Variants in RUNDC3B observed in about 807,000 individuals in gnomAD.
The protein encoded by RUNDC3B is RUN domain-containing protein 3B.
A neutral mutation model predicts 58.4 loss-of-function variants in RUNDC3B; 33 were observed. The ratio of observed to expected loss-of-function variants is 0.56; its 90% CI spans 0.43 to 0.75. The LOEUF is 0.75. Ranked by LOEUF, RUNDC3B falls within the 30% of genes least tolerant of loss-of-function variation. The pLI is 0.00. For synonymous variants in RUNDC3B, 193 were observed against 195.2 expected (o/e 0.99, Z 0.10); for missense variants, 501 against 535.7 (o/e 0.94, Z 0.64).
intron 1 of RUNDC3B, among the ~76,000 whole-genome samples, chr7:87,638,890 C>T (rs1159006870): frequency 1.3e-5 from 2 of 152,136 alleles, no homozygotes; most frequent in African/African-American, 4.8e-5. Context: ...TGGTGGCTCA[C>T]ACCTGTAATC....
intron 8 of RUNDC3B, among the ~76,000 whole-genome samples, chr7:87,792,373 T>A (rs1281692454): frequency 1.3e-5 from 2 of 152,158 alleles, no homozygotes; most frequent in Non-Finnish European, 2.9e-5. Flanking sequence ...ATCTCATAGA[T>A]ATTTACAGAA....
chr7:87,796,655 A>G (rs914005392), intron 8 of RUNDC3B, among the ~76,000 whole-genome samples: 3 of 152,200 alleles, frequency 2.0e-5, no homozygotes, highest in Admixed American at 6.5e-5. Flanking sequence ...AAATTTTTCA[A>G]TGTGCTAAAA....
Position 87,655,262 on chromosome 7 carries a change from C to A in RUNDC3B, c.238+4325C>A, listed in dbSNP as rs534275822. ...TGAAATCAGTGTCTCGAAGAGTTAT[C>A]TCTACTCCCATGTTCATTGCAGGAT... On this transcript the variant is annotated intron_variant, in intron 2 of 10. Coordinates refer to ENST00000394654, the MANE Select transcript of RUNDC3B (RefSeq NM_001134405.2). 8.4e-4 allele frequency among the ~76,000 whole-genome samples: 128 copies of A among 152,294 alleles called. 1 individual carries two copies. Among genetic ancestry groups the A allele is most frequent in the Admixed American group, 7.3e-3 (112 of 15,266 alleles).
chr7:87,811,461 G>A (rs559618537), intron 9 of RUNDC3B, among the ~76,000 whole-genome samples: 1 of 152,050 alleles, frequency 6.6e-6, no homozygotes, highest in African/African-American at 2.4e-5. Context: ...AGCCTCCCGA[G>A]TAGCTGGGAC....
At chr7:87,645,557 A>G (rs1822917512) in intron 1 of RUNDC3B, among the ~76,000 whole-genome samples, 1 of 152,128 alleles carries the variant, frequency 6.6e-6, no homozygotes, top group Admixed American at 6.6e-5. Flanking sequence ...CTTAGACTTG[A>G]TTTGATATTT....
At chr7:87,733,592 G>A (rs1320778316) in intron 4 of RUNDC3B, among the ~76,000 whole-genome samples, 3 of 152,148 alleles carry the variant, frequency 2.0e-5, no homozygotes, top group Non-Finnish European at 4.4e-5. Flanking sequence ...TTGGCAACAG[G>A]GACTGGTTTT....
At chr7:87,702,891 T>C (rs1382602437) in intron 3 of RUNDC3B, among the ~76,000 whole-genome samples, 1 of 152,190 alleles carries the variant, frequency 6.6e-6, no homozygotes, top group Non-Finnish European at 1.5e-5. Context: ...CCAAGCATTT[T>C]GGAAAAGGTA....
intron 2 of RUNDC3B, among the ~76,000 whole-genome samples, chr7:87,655,530 A>C (rs1824010629): frequency 6.6e-6 from 1 of 152,134 alleles, no homozygotes; most frequent in South Asian, 2.1e-4. Context: ...GAATTCGTAG[A>C]AGTAGAGAGT....
chr7:87,783,595 C>T (rs145004426), intron 8 of RUNDC3B, among the ~76,000 whole-genome samples: 1 of 152,200 alleles, frequency 6.6e-6, no homozygotes, highest in East Asian at 1.9e-4. Context: ...TCGATAGGGT[C>T]TGCAGGCTAT....
intron 6 of RUNDC3B, among the ~76,000 whole-genome samples, chr7:87,759,693 G>A (rs1001574845): frequency 4.0e-5 from 6 of 151,758 alleles, no homozygotes; most frequent in Admixed American, 3.3e-4. Flanking sequence ...AGCTACTTGG[G>A]AGACTAAGGG....
At chr7:87,679,653 G>A (rs1237585874) in intron 2 of RUNDC3B, among the ~76,000 whole-genome samples, 1 of 150,250 alleles carries the variant, frequency 6.7e-6, no homozygotes, top group Non-Finnish European at 1.5e-5. Flanking sequence ...GCCTTTCAAA[G>A]TGCTGAGATT....
At chr7:87,647,742 T>C (rs955906011) in intron 1 of RUNDC3B, among the ~76,000 whole-genome samples, 1 of 152,058 alleles carries the variant, frequency 6.6e-6, no homozygotes, top group African/African-American at 2.4e-5. Flanking sequence ...CACAAACCAT[T>C]ACATAACTAA....
chr7:87,726,860 G>T (rs890558666), intron 4 of RUNDC3B, among the ~76,000 whole-genome samples: 5 of 152,126 alleles, frequency 3.3e-5, no homozygotes, highest in African/African-American at 9.7e-5. Context: ...TTGTGAATGG[G>T]AGTTCACTCA....
intron 5 of RUNDC3B, among the ~76,000 whole-genome samples, chr7:87,741,208 AAAAAAG>A (rs923301367): frequency 1.3e-5 from 2 of 151,838 alleles, no homozygotes; most frequent in African/African-American, 4.8e-5. Context: ...CCCTCTCAAA[AAAAAAG>A]AAAAAAAAAA....
intron 2 of RUNDC3B, chr7:87,693,971 G>C: frequency 6.2e-7 from 1 of 1,611,422 alleles, no homozygotes; most frequent in Non-Finnish European, 8.5e-7. Context: ...ACTCTATGCT[G>C]GTGATGTCTC....
chr7:87,741,069 G>A (rs915736785), intron 5 of RUNDC3B, among the ~76,000 whole-genome samples: 1 of 152,038 alleles, frequency 6.6e-6, no homozygotes, highest in East Asian at 1.9e-4. Context: ...CCCAGGCATG[G>A]TAGTGGGTGC....
intron 6 of RUNDC3B, among the ~76,000 whole-genome samples, chr7:87,748,603 TACAC>T (rs886473783): frequency 6.6e-6 from 1 of 151,952 alleles, no homozygotes; most frequent in South Asian, 2.1e-4. Context: ...ATGTCACACA[TACAC>T]ACACACACAT....
intron 9 of RUNDC3B, among the ~76,000 whole-genome samples, chr7:87,813,722 G>A (rs1249667281): frequency 6.6e-6 from 1 of 152,116 alleles, no homozygotes; most frequent in African/African-American, 2.4e-5. Context: ...GCTCACACCT[G>A]TAATCCCAGC....
At chr7:87,669,322 G>T (rs1184807058) in intron 2 of RUNDC3B, among the ~76,000 whole-genome samples, 2 of 151,900 alleles carry the variant, frequency 1.3e-5, no homozygotes, top group Non-Finnish European at 2.9e-5. Flanking sequence ...TTTTCCATTT[G>T]CTTAGTAGAT....
Sources: allele counts gnomAD v4.1 joint callset (sites outside exome capture counted in the v4.1 genomes callset), GRCh38; gene constraint gnomAD v4.1.1; transcripts MANE v1.5; gene names NCBI Gene and HGNC (gene_info 2026-07-23, HGNC 2026-07-21).